Variants in USP37 observed in about 807,000 individuals in gnomAD.
USP37 encodes the protein ubiquitin carboxyl-terminal hydrolase 37.
A neutral mutation model predicts 124.0 loss-of-function variants in USP37; 27 were observed. The ratio of observed to expected loss-of-function variants is 0.22; its 90% CI spans 0.16 to 0.30. The LOEUF (loss-of-function observed/expected upper bound fraction) is 0.30. Ranked by LOEUF, USP37 falls within the 10% of genes least tolerant of loss-of-function variation. The pLI, the probability that USP37 is intolerant of heterozygous loss-of-function variation, is 1.00. For missense variants in USP37, 889 were observed against 1,140.4 expected (o/e 0.78, Z 3.17); for synonymous variants, 365 against 388.0 (o/e 0.94, Z 0.70).
intron 10 of USP37, among the ~76,000 whole-genome samples, chr2:218,524,801 C>T (rs112915675): frequency 0.03 from 4,568 of 152,152 alleles, 213 homozygotes; most frequent in African/African-American, 0.1. Context: ...GTAAAGACAG[C>T]GTTTCGCCAT....
chr2:218,567,404 C>T (rs660432), intron 1 of USP37, among the ~76,000 whole-genome samples: 70,535 of 152,018 alleles, frequency 0.46, 19,534 homozygotes, highest in East Asian at 0.78. Context: ...TCCATGGCTT[C>T]AATTACTATC....
chr2:218,454,733 C>T lies in USP37; in HGVS notation c.*197G>A, dbSNP rs1358311821. 9 of 1,084,592 alleles carry T rather than the reference C, an allele frequency of 8.3e-6. No individual in the cohort carries two copies. The highest frequency in any genetic ancestry group is 5.5e-5 in the East Asian group (2 of 36,336). 67.2% of individuals were successfully genotyped at this position (1,084,592 alleles called of 1,614,324 possible). A position where few individuals can be genotyped will look rare whatever the true frequency, so the allele number is the denominator to read the frequency against. On this transcript the variant is annotated 3_prime_UTR_variant, in exon 26 of 26. Transcript: ENST00000258399. The stretch of plus-strand genomic sequence containing the variant: ...AGGAGAAAAAGAGGATAATCAGCTA[C>T]GGATGTGAGACCAAAGTTTCCATAA...
chr2:218,507,179 TGAGATG>T (rs1689727256), intron 11 of USP37, among the ~76,000 whole-genome samples: 1 of 151,934 alleles, frequency 6.6e-6, no homozygotes, highest in Non-Finnish European at 1.5e-5. Context: ...TTTGTTTTTT[TGAGATG>T]GAGTCTCACA....
At chr2:218,492,925 A>G (rs1277632859) in intron 14 of USP37, among the ~76,000 whole-genome samples, 5 of 152,106 alleles carry the variant, frequency 3.3e-5, no homozygotes, top group Admixed American at 6.6e-5. Flanking sequence ...AGGATTGCTT[A>G]AGTTCAGGAG....
chr2:218,463,661 A>C (rs1214447615), intron 21 of USP37, among the ~76,000 whole-genome samples: 1 of 146,792 alleles, frequency 6.8e-6, no homozygotes, highest in African/African-American at 2.5e-5. Flanking sequence ...TCAGCCTCCC[A>C]AGTAGCTGGG....
intron 4 of USP37, among the ~76,000 whole-genome samples, chr2:218,554,975 T>C (rs980260559): frequency 6.6e-6 from 1 of 152,214 alleles, no homozygotes; most frequent in Non-Finnish European, 1.5e-5. Context: ...TAAGTTTCAT[T>C]CAAAGATCAT....
intron 8 of USP37, among the ~76,000 whole-genome samples, chr2:218,535,486 C>T (rs910824558): frequency 2.0e-5 from 3 of 149,920 alleles, no homozygotes; most frequent in African/African-American, 7.4e-5. Context: ...GCGAGGCGGG[C>T]GGATCACCTG....
intron 17 of USP37, among the ~76,000 whole-genome samples, chr2:218,481,604 C>T (rs751347501): frequency 3.9e-5 from 6 of 152,026 alleles, no homozygotes; most frequent in Non-Finnish European, 8.8e-5. Context: ...TCAATTACTT[C>T]AGGCAGTGAT....
chr2:218,475,174 G>C (rs980622146), intron 19 of USP37, among the ~76,000 whole-genome samples: 4 of 152,064 alleles, frequency 2.6e-5, no homozygotes, highest in African/African-American at 9.7e-5. Flanking sequence ...AGATTACTCA[G>C]AGATAATTAC....
At chr2:218,567,293 T>C (rs764656861) in intron 1 of USP37, among the ~76,000 whole-genome samples, 1 of 152,156 alleles carries the variant, frequency 6.6e-6, no homozygotes, top group African/African-American at 2.4e-5. Flanking sequence ...GCAAGACGCA[T>C]CCTCCTCTAT....
At chr2:218,476,015 C>T (rs1246079741) in intron 19 of USP37, among the ~76,000 whole-genome samples, 1 of 151,708 alleles carries the variant, frequency 6.6e-6, no homozygotes, top group Non-Finnish European at 1.5e-5. Flanking sequence ...GTTGAACAAC[C>T]ACAAACTACC....
At chr2:218,562,871 A>G (rs1021204073) in intron 1 of USP37, 58 bp from the exon 2 acceptor site, 2 of 396,390 alleles carry the variant, frequency 5.0e-6, no homozygotes, top group Non-Finnish European at 8.9e-6. Flanking sequence ...ATTAATACTT[A>G]AAAGAAAGTG....
intron 16 of USP37, among the ~76,000 whole-genome samples, chr2:218,483,922 G>A (rs1691396867): frequency 6.6e-6 from 1 of 152,126 alleles, no homozygotes; most frequent in African/African-American, 2.4e-5. Flanking sequence ...ACTTGAGGAG[G>A]CCGAGGCGGC....
At chr2:218,459,562 T>C (rs1679610663) in intron 23 of USP37, among the ~76,000 whole-genome samples, 1 of 152,188 alleles carries the variant, frequency 6.6e-6, no homozygotes, top group Non-Finnish European at 1.5e-5. Flanking sequence ...AACATGCATG[T>C]AAAGTGGTCA....
chr2:218,527,739 ACTTCCT>A (rs1371715497), intron 10 of USP37, among the ~76,000 whole-genome samples: 3 of 152,208 alleles, frequency 2.0e-5, no homozygotes, highest in Non-Finnish European at 2.9e-5. Flanking sequence ...AATATGTCAA[ACTTCCT>A]CTCTCCTAAA....
Position 218,451,061 on chromosome 2 carries a change from A to T in USP37, c.*3869T>A, listed in dbSNP as rs2106399944. 1 of 152,306 alleles carries T rather than the reference A, an allele frequency of 6.6e-6. No homozygotes were observed. Among genetic ancestry groups the T allele is most frequent in the East Asian group, 1.9e-4 (1 of 5,194 alleles). The allele number at this position is 152,306 out of a possible 1,614,324, so 9.4% of individuals were successfully genotyped here. A position where few individuals can be genotyped will look rare whatever the true frequency, so the allele number is the denominator to read the frequency against. Reference sequence around the variant, plus strand: ...GCCTAACAAATTAGAATTTTCCAATAAAAAATATATATTTTTTCAGATGTT... The same window carrying T: ...GCCTAACAAATTAGAATTTTCCAATTAAAAATATATATTTTTTCAGATGTT... On this transcript the variant is annotated 3_prime_UTR_variant, in exon 26 of 26. Coordinates refer to ENST00000258399, the MANE Select transcript of USP37 (RefSeq NM_020935.3).
chr2:218,499,164 C>G (rs1173494339), intron 11 of USP37, among the ~76,000 whole-genome samples: 1 of 152,080 alleles, frequency 6.6e-6, no homozygotes, highest in African/African-American at 2.4e-5. Context: ...GTCCCAGCTA[C>G]TTGGGAGGCT....
Position 218,454,678 on chromosome 2 carries a change from T to C in USP37, c.*252A>G. Reference sequence around the variant, plus strand: ...TACACAGATATATATTTACAACATGTATTCCTAAGACAAAAGAAGTGCCAC... The same window carrying C: ...TACACAGATATATATTTACAACATGCATTCCTAAGACAAAAGAAGTGCCAC... On this transcript the variant is annotated 3_prime_UTR_variant, in exon 26 of 26. Transcript: ENST00000258399. 1.9e-6 allele frequency: 1 copy of C among 533,158 alleles called. No homozygotes were observed. Among genetic ancestry groups the C allele is most frequent in the Non-Finnish European group, 3.2e-6 (1 of 316,330 alleles). 33.0% of individuals were successfully genotyped at this position (533,158 alleles called of 1,614,324 possible).
chr2:218,552,734 CA>C (rs1177197341), intron 5 of USP37, among the ~76,000 whole-genome samples: 1 of 152,116 alleles, frequency 6.6e-6, no homozygotes, highest in East Asian at 1.9e-4. Flanking sequence ...TTACAGGACT[CA>C]TTTTCCACAG....
Sources: gnomAD v4.1 joint callset for allele counts (sites outside exome capture counted in the v4.1 genomes callset) on GRCh38, gnomAD v4.1.1 for gene constraint, MANE v1.5 for transcripts, NCBI Gene and HGNC (gene_info 2026-07-23, HGNC 2026-07-21) for gene names.